Variants in CDK19 observed in about 807,000 individuals in gnomAD.
CDK19 encodes the protein cyclin-dependent kinase 19.
Under a neutral mutation model 68.3 loss-of-function variants are expected in CDK19, and 20 were observed. The ratio of observed to expected loss-of-function variants is 0.29; its 90% CI spans 0.21 to 0.43. The LOEUF is 0.43. Among genes scored for constraint, CDK19 ranks in the 20% least tolerant of loss-of-function variants. CDK19 has a pLI of 1.00. For missense variants in CDK19, 339 were observed against 623.5 expected, an observed-to-expected ratio of 0.54 and a Z score of 4.86; for synonymous variants, 221 against 222.8, an observed-to-expected ratio of 0.99 and a Z score of 0.07.
chr6:110,659,627 T>C (rs566299708), intron 4 of CDK19, among the ~76,000 whole-genome samples: 47 of 152,310 alleles, frequency 3.1e-4, no homozygotes, highest in African/African-American at 1.0e-3. Context: ...AAGATGGAAA[T>C]GTCTAGGTAT....
At chr6:110,759,946 A>G (rs1228303303) in intron 1 of CDK19, among the ~76,000 whole-genome samples, 2 of 152,214 alleles carry the variant, frequency 1.3e-5, no homozygotes, top group Non-Finnish European at 2.9e-5. Context: ...TGAGCCAATC[A>G]ACTGGGAACT....
At chr6:110,767,601 G>A (rs1057206865) in intron 1 of CDK19, among the ~76,000 whole-genome samples, 1 of 150,966 alleles carries the variant, frequency 6.6e-6, no homozygotes, top group African/African-American at 2.4e-5. Flanking sequence ...GGTGATCCAC[G>A]CTCCTCAGCC....
chr6:110,681,561 C>G (rs552192899), intron 2 of CDK19, among the ~76,000 whole-genome samples: 30 of 152,298 alleles, frequency 2.0e-4, no homozygotes, highest in African/African-American at 6.5e-4. Flanking sequence ...CATACTATCT[C>G]AGCTTCTTTT....
At chr6:110,671,874 T>C (rs1184353514) in intron 2 of CDK19, among the ~76,000 whole-genome samples, 5 of 151,986 alleles carry the variant, frequency 3.3e-5, no homozygotes, top group African/African-American at 9.7e-5. Flanking sequence ...GCCTCCAAGG[T>C]TCAAGCAATT....
At chr6:110,675,530 G>A (rs1771440273) in intron 2 of CDK19, among the ~76,000 whole-genome samples, 1 of 151,318 alleles carries the variant, frequency 6.6e-6, no homozygotes, top group African/African-American at 2.4e-5. Context: ...AGGAGGCTGA[G>A]GCAGGAGAAT....
intron 2 of CDK19, among the ~76,000 whole-genome samples, chr6:110,677,675 C>T (rs1252257689): frequency 6.6e-6 from 1 of 151,896 alleles, no homozygotes; most frequent in African/African-American, 2.4e-5. Context: ...GAGAAGCCAG[C>T]TGTTAGAAAA....
At chr6:110,767,039 C>A (rs956857797) in intron 1 of CDK19, among the ~76,000 whole-genome samples, 1 of 151,612 alleles carries the variant, frequency 6.6e-6, no homozygotes, top group Non-Finnish European at 1.5e-5. Flanking sequence ...GAGGCTGAGA[C>A]AAGAGAATCA....
intron 1 of CDK19, among the ~76,000 whole-genome samples, chr6:110,797,984 CAA>C (rs56710819): frequency 0.017 from 1,457 of 87,264 alleles, 7 homozygotes; most frequent in Middle Eastern, 0.053. Flanking sequence ...GACTCCGTCT[CAA>C]AAAAAAAAAA....
intron 6 of CDK19, among the ~76,000 whole-genome samples, chr6:110,628,553 G>C (rs1452082369): frequency 6.6e-6 from 1 of 152,180 alleles, no homozygotes; most frequent in Non-Finnish European, 1.5e-5. Context: ...CCACTGGTTA[G>C]TCACTTAGTG....
intron 2 of CDK19, among the ~76,000 whole-genome samples, chr6:110,727,380 C>A (rs1020835409): frequency 6.6e-6 from 1 of 152,110 alleles, no homozygotes; most frequent in African/African-American, 2.4e-5. Context: ...ATCATCATGT[C>A]CAAAGTGGCC....
At chr6:110,796,908 ACTGAGG>A (rs1781975498) in intron 1 of CDK19, among the ~76,000 whole-genome samples, 1 of 149,276 alleles carries the variant, frequency 6.7e-6, no homozygotes, top group Admixed American at 6.7e-5. Context: ...AACTCAGGAG[ACTGAGG>A]CACGAGAATT....
chr6:110,632,204 T>A (rs1779481900), intron 5 of CDK19, 43 bp from the exon 6 acceptor site: 1 of 1,489,778 alleles, frequency 6.7e-7, no homozygotes, highest in Non-Finnish European at 9.2e-7. Flanking sequence ...AGTTTGATTG[T>A]TTCTCGTCCT....
chr6:110,659,822 G>A (rs1028507335), intron 4 of CDK19, among the ~76,000 whole-genome samples: 3 of 152,118 alleles, frequency 2.0e-5, no homozygotes, highest in Non-Finnish European at 1.5e-5. Context: ...GAGATAACTA[G>A]TACATTATAA....
intron 1 of CDK19, among the ~76,000 whole-genome samples, chr6:110,786,327 G>T (rs935341809): frequency 2.6e-5 from 4 of 151,888 alleles, no homozygotes; most frequent in Non-Finnish European, 4.4e-5. Flanking sequence ...TAATTCTCTC[G>T]GATCTGTATT....
intron 2 of CDK19, among the ~76,000 whole-genome samples, chr6:110,728,432 G>T (rs377764962): frequency 6.6e-6 from 1 of 151,908 alleles, no homozygotes; most frequent in African/African-American, 2.4e-5. Flanking sequence ...CTACCCATCT[G>T]CCCTCAGGAA....
chr6:110,794,884 T>C (rs572245273), intron 1 of CDK19, among the ~76,000 whole-genome samples: 7 of 152,270 alleles, frequency 4.6e-5, no homozygotes, highest in African/African-American at 7.2e-5. Context: ...GTAAATTATA[T>C]TGTAGAACAT....
At chr6:110,784,725 A>ATC (rs1781076861) in intron 1 of CDK19, among the ~76,000 whole-genome samples, 1 of 152,230 alleles carries the variant, frequency 6.6e-6, no homozygotes, top group Non-Finnish European at 1.5e-5. Flanking sequence ...CTAAAAGTGG[A>ATC]AACAATCAAA....
In CDK19 at chr6:110,753,380, A is replaced by G. The variant is rs568116114; in HGVS notation, c.129-7179T>C. ...TTAGCCAAAAAAAACTTTCAAAACA[A>G]CTAGAATAATTTTTTATTTTTTTTT... On this transcript the variant is annotated intron_variant, in intron 1 of 12. Transcript: ENST00000368911. Among the ~76,000 whole-genome samples the G allele has an allele frequency of 2.0e-5, 3 of 152,026 alleles. No homozygotes were observed. The East Asian group carries it at 5.8e-4, about 30-fold the overall frequency.
intron 2 of CDK19, among the ~76,000 whole-genome samples, chr6:110,678,147 C>A (rs1771690766): frequency 6.6e-6 from 1 of 152,026 alleles, no homozygotes; most frequent in South Asian, 2.1e-4. Flanking sequence ...CACACTAGCC[C>A]AGAAAGACAT....
Sources: gnomAD v4.1 joint callset for allele counts (sites outside exome capture counted in the v4.1 genomes callset) on GRCh38, gnomAD v4.1.1 for gene constraint, MANE v1.5 for transcripts, NCBI Gene and HGNC (gene_info 2026-07-23, HGNC 2026-07-21) for gene names.